Variants in GRM7 observed in about 807,000 individuals in gnomAD.
GRM7 encodes the protein glutamate metabotropic receptor 7.
Under a neutral mutation model 84.5 loss-of-function variants are expected in GRM7, and 35 were observed. That is an observed-to-expected ratio of 0.41 (90% CI 0.32 to 0.55). The LOEUF is 0.55. Ranked by LOEUF, GRM7 falls within the 20% of genes least tolerant of loss-of-function variation. GRM7 has a pLI of 0.19. For synonymous variants in GRM7, 487 were observed against 455.1 expected (o/e 1.07, Z -0.89); for missense variants, 1,003 against 1,194.6 (o/e 0.84, Z 2.36).
At chr3:7,072,118 G>T (rs1697905281) in intron 1 of GRM7, among the ~76,000 whole-genome samples, 1 of 152,064 alleles carries the variant, frequency 6.6e-6, no homozygotes, top group Admixed American at 6.6e-5. Flanking sequence ...ACCGTAATAT[G>T]CCCAGTTCAT....
chr3:6,969,340 A>T lies in GRM7; in HGVS notation c.519+107433A>T, dbSNP rs374230823. Among the ~76,000 whole-genome samples the T allele has an allele frequency of 4.1e-4, 62 of 152,304 alleles. 2 individuals are homozygous for T. The East Asian group carries it at 4.8e-3, about 12-fold the overall frequency. On this transcript the variant is annotated intron_variant, in intron 1 of 9. Transcript: ENST00000357716. The stretch of plus-strand genomic sequence containing the variant: ...ATGTTTAGCTATAATATCTGTTTCC[A>T]TCTTCAAAATAGCAGGTAGTTATCA...
At chr3:7,709,242 A>C (rs1309918846) in intron 9 of GRM7, among the ~76,000 whole-genome samples, 1 of 152,212 alleles carries the variant, frequency 6.6e-6, no homozygotes, top group African/African-American at 2.4e-5. Context: ...ATATAAGAAT[A>C]TAATTCTATA....
At chr3:7,433,284 G>C (rs1164393268) in intron 5 of GRM7, among the ~76,000 whole-genome samples, 1 of 152,200 alleles carries the variant, frequency 6.6e-6, no homozygotes, top group South Asian at 2.1e-4. Flanking sequence ...TTGCACATGA[G>C]TTATTTGGCA....
At chr3:7,019,485 T>C (rs1695694894) in intron 1 of GRM7, among the ~76,000 whole-genome samples, 1 of 152,196 alleles carries the variant, frequency 6.6e-6, no homozygotes, top group African/African-American at 2.4e-5. Context: ...AAATAAAATG[T>C]ATTTATTGCT....
At chr3:7,530,664 T>C (rs1701002707) in intron 7 of GRM7, among the ~76,000 whole-genome samples, 1 of 152,226 alleles carries the variant, frequency 6.6e-6, no homozygotes, top group Non-Finnish European at 1.5e-5. Context: ...TAGCTCATTG[T>C]GGTTTTGATT....
chr3:7,588,296 G>A (rs1020248482), intron 8 of GRM7, among the ~76,000 whole-genome samples: 6 of 152,188 alleles, frequency 3.9e-5, no homozygotes, highest in African/African-American at 1.4e-4. Context: ...GGGCGTAAGA[G>A]TTCAGGGCAC....
chr3:7,284,347 T>G (rs921541810), intron 2 of GRM7, among the ~76,000 whole-genome samples: 6 of 151,492 alleles, frequency 4.0e-5, no homozygotes, highest in African/African-American at 1.5e-4. Context: ...TGCACACTAG[T>G]ACAGACAATC....
chr3:7,070,479 T>C (rs1574861259), intron 1 of GRM7, among the ~76,000 whole-genome samples: 1 of 152,270 alleles, frequency 6.6e-6, no homozygotes, highest in Admixed American at 6.6e-5. Flanking sequence ...ATTTAATCAT[T>C]TTTGCTTCAG....
At chr3:6,978,648 G>T (rs975075733) in intron 1 of GRM7, among the ~76,000 whole-genome samples, 29 of 152,146 alleles carry the variant, frequency 1.9e-4, no homozygotes, top group African/African-American at 6.0e-4. Context: ...CACTTTTCTT[G>T]ATGGGAGTGA....
In GRM7 at chr3:7,528,437, C is replaced by G. The variant is rs577258646; in HGVS notation, c.1516-49985C>G. On this transcript the variant is annotated intron_variant, in intron 7 of 9. Transcript: ENST00000357716. ...TTACTTTGTTAATTCAACTAATGGT[C>G]TATTGATATTGCTTACACTTTCAAA... Among the ~76,000 whole-genome samples the G allele has an allele frequency of 3.3e-5, 5 of 152,080 alleles. No homozygotes were observed. The South Asian group carries it at 1.0e-3, about 32-fold the overall frequency.
At chr3:7,305,819 A>T (rs1163947687) in intron 3 of GRM7, among the ~76,000 whole-genome samples, 2 of 152,076 alleles carry the variant, frequency 1.3e-5, no homozygotes, top group Non-Finnish European at 2.9e-5. Flanking sequence ...TACCCACCAA[A>T]GGGGCTTCAG....
At chr3:7,019,821 A>G (rs1695713029) in intron 1 of GRM7, among the ~76,000 whole-genome samples, 1 of 152,258 alleles carries the variant, frequency 6.6e-6, no homozygotes, top group African/African-American at 2.4e-5. Flanking sequence ...TGACCGAATC[A>G]TCCAAATGCA....
At chr3:7,459,283 TG>T (rs1219748987) in intron 6 of GRM7, among the ~76,000 whole-genome samples, 1 of 152,024 alleles carries the variant, frequency 6.6e-6, no homozygotes, top group African/African-American at 2.4e-5. Context: ...ATTAAAAAAA[TG>T]TTTATAGTGA....
At chr3:7,692,077 C>A (rs889578087) in intron 9 of GRM7, among the ~76,000 whole-genome samples, 4 of 152,050 alleles carry the variant, frequency 2.6e-5, no homozygotes, top group Non-Finnish European at 4.4e-5. Context: ...AGTCAGGCAA[C>A]CTTTTCTCTA....
chr3:7,066,933 C>T (rs1327532798), intron 1 of GRM7, among the ~76,000 whole-genome samples: 4 of 151,928 alleles, frequency 2.6e-5, no homozygotes, highest in East Asian at 1.9e-4. Flanking sequence ...ATATGATCAT[C>T]TCAATAGATG....
chr3:7,332,297 A>G (rs1701239031), intron 4 of GRM7, among the ~76,000 whole-genome samples: 1 of 152,202 alleles, frequency 6.6e-6, no homozygotes, highest in South Asian at 2.1e-4. Context: ...TAGACAATTT[A>G]TCTTAGGGAA....
At chr3:7,546,868 C>G (rs944419309) in intron 7 of GRM7, among the ~76,000 whole-genome samples, 2 of 152,180 alleles carry the variant, frequency 1.3e-5, no homozygotes, top group Non-Finnish European at 2.9e-5. Context: ...TAATTATCTG[C>G]ATGTAAATGC....
intron 1 of GRM7, among the ~76,000 whole-genome samples, chr3:6,932,616 C>G (rs908728154): frequency 2.6e-5 from 4 of 152,104 alleles, no homozygotes; most frequent in Non-Finnish European, 5.9e-5. Context: ...AACTTTCTTA[C>G]AGCTTCAATG....
intron 1 of GRM7, among the ~76,000 whole-genome samples, chr3:6,921,821 C>T (rs569622660): frequency 2.6e-5 from 4 of 152,244 alleles, no homozygotes; most frequent in Admixed American, 2.6e-4. Context: ...GCTTCTCTCT[C>T]TCTCCTCTCC....
Sources: gnomAD v4.1 joint callset for allele counts (sites outside exome capture counted in the v4.1 genomes callset) on GRCh38, gnomAD v4.1.1 for gene constraint, MANE v1.5 for transcripts, NCBI Gene and HGNC (gene_info 2026-07-23, HGNC 2026-07-21) for gene names.